The following ESPNL variants were observed in gnomAD, a reference collection of about 807,000 sequenced individuals.
The protein encoded by ESPNL is espin like, also known as espin-like protein.
In ESPNL, 49 loss-of-function variants were observed where a neutral mutation model predicts 46.8. The observed-to-expected ratio is 1.05, with a 90% confidence interval of 0.83 to 1.33. The LOEUF is 1.33. Ranked by LOEUF, ESPNL falls within the 40% of genes most tolerant of loss-of-function variation. The probability of loss-of-function intolerance (pLI) is 0.00; values close to 1 mark genes in which losing one functional copy is unlikely to be tolerated. For missense variants in ESPNL, 1,540 were observed against 1,436.6 expected, an observed-to-expected ratio of 1.07 and a Z score of -1.16; for synonymous variants, 664 against 662.1, an observed-to-expected ratio of 1.00 and a Z score of -0.04.
intron 5 of ESPNL, among the ~76,000 whole-genome samples, chr2:238,119,424 A>G (rs111751646): frequency 0.077 from 6,944 of 89,832 alleles, 880 homozygotes; most frequent in East Asian, 0.16. Context: ...GGAGGAGGGT[A>G]GATGGAGGAG....
At chr2:238,101,153 C>T (rs1691464269) in intron 1 of ESPNL, among the ~76,000 whole-genome samples, 1 of 152,214 alleles carries the variant, frequency 6.6e-6, no homozygotes, top group African/African-American at 2.4e-5. Flanking sequence ...ATCGTTTCTA[C>T]TGGGCCCCCC....
chr2:238,124,640 AGT>A (rs564509784), intron 5 of ESPNL, among the ~76,000 whole-genome samples: 1,547 of 146,732 alleles, frequency 0.011, 30 homozygotes, highest in African/African-American at 0.038. Flanking sequence ...TGTGCAGGAG[AGT>A]GTACGTGCAT....
At chr2:238,117,259 A>G (rs1164364092) in intron 5 of ESPNL, among the ~76,000 whole-genome samples, 1 of 152,170 alleles carries the variant, frequency 6.6e-6, no homozygotes, top group East Asian at 1.9e-4. Flanking sequence ...GGGCCAGGAC[A>G]GGGGCTGTGA....
At chr2:238,127,579 C>T in intron 6 of ESPNL, 43 bp from the exon 7 acceptor site, 2 of 1,545,182 alleles carry the variant, frequency 1.3e-6, no homozygotes, top group Non-Finnish European at 1.7e-6. Flanking sequence ...TCTCTGCTCC[C>T]CAGCCCTTGC....
In ESPNL at chr2:238,130,582, G is replaced by A. The variant is rs536817515; in HGVS notation, c.1868G>A (p.Arg623Gln). The A allele has an allele frequency of 5.1e-5, 80 of 1,573,148 alleles. No homozygotes were observed. Among genetic ancestry groups the A allele is most frequent in the South Asian group, 4.2e-4 (36 of 86,192 alleles). The change falls in exon 9 of 9, where the codon CGG becomes CAG. Residue 623 changes from arginine to glutamine, a missense_variant. Arg to Gln is a conservative substitution (Grantham distance 43, BLOSUM62 1). Transcript: ENST00000343063. ...CAGGGGGATGAGAAGCCATCCACCC[G>A]GCCCCTGCAGGACACCTGCAGGGAG... ...LVQGDEKPSTRPLQDTCREAS... is the reference protein window; with the variant it reads ...LVQGDEKPSTQPLQDTCREAS...
chr2:238,123,706 CCTGCACT>C (rs1441844616), intron 5 of ESPNL, among the ~76,000 whole-genome samples: 1 of 152,204 alleles, frequency 6.6e-6, no homozygotes, highest in African/African-American at 2.4e-5. Flanking sequence ...AGCTGTGCTC[CCTGCACT>C]CTGCAGTTCG....
intron 4 of ESPNL, among the ~76,000 whole-genome samples, chr2:238,113,801 G>A (rs753638108): frequency 6.6e-5 from 10 of 152,142 alleles, no homozygotes; most frequent in Admixed American, 4.6e-4. Flanking sequence ...GATGGAACCC[G>A]CACGGTTCCT....
At chr2:238,100,837 C>T (rs1242617103) in intron 1 of ESPNL, 124 bp downstream of exon 1, 1 of 803,158 alleles carries the variant, frequency 1.2e-6, no homozygotes, top group Admixed American at 4.0e-5. Flanking sequence ...CTTTGTTTCT[C>T]TTGGGGACTC....
At chr2:238,116,033 C>T (rs1691808328) in intron 4 of ESPNL, among the ~76,000 whole-genome samples, 1 of 152,238 alleles carries the variant, frequency 6.6e-6, no homozygotes, top group Non-Finnish European at 1.5e-5. Context: ...TGAGGCCCAG[C>T]TGGTCTATCT....
At chr2:238,127,316 A>C in intron 6 of ESPNL, 2 of 1,183,490 alleles carry the variant, frequency 1.7e-6, no homozygotes, top group Non-Finnish European at 2.1e-6. Flanking sequence ...TGGGGCCTGC[A>C]GAGCTGCGTT....
intron 5 of ESPNL, among the ~76,000 whole-genome samples, chr2:238,122,091 C>T (rs35329406): frequency 0.19 from 29,250 of 152,260 alleles, 3,090 homozygotes; most frequent in African/African-American, 0.27. Flanking sequence ...CGACAGCGGT[C>T]GGGGCCGTGG....
chr2:238,130,096 C>T (rs1168833723), intron 8 of ESPNL, 32 bp from the exon 9 acceptor site: 3 of 1,585,930 alleles, frequency 1.9e-6, no homozygotes, highest in Non-Finnish European at 1.7e-6. Context: ...TGGGTGGGCT[C>T]ACCCTGCTCA....
chr2:238,110,125 A>G (rs1455808842), intron 4 of ESPNL, among the ~76,000 whole-genome samples: 2 of 150,076 alleles, frequency 1.3e-5, no homozygotes, highest in Admixed American at 6.6e-5. Context: ...GCCATATGTT[A>G]CCGAGTGTCC....
chr2:238,124,629 G>C (rs1351815872), intron 5 of ESPNL, among the ~76,000 whole-genome samples: 3 of 151,652 alleles, frequency 2.0e-5, no homozygotes, highest in Non-Finnish European at 4.4e-5. Context: ...ACATGCGTGT[G>C]TGTGCAGGAG....
In ESPNL at chr2:238,114,052, G is replaced by A. The variant is rs1402434094; in HGVS notation, c.856-2851G>A. 6.6e-6 allele frequency among the ~76,000 whole-genome samples: 1 copy of A among 152,122 alleles called. No individual in the cohort carries two copies. The highest frequency in any genetic ancestry group is 1.5e-5 in the Non-Finnish European group (1 of 68,008). On this transcript the variant is annotated intron_variant, in intron 4 of 8. Transcript: ENST00000343063. The surrounding 1 kb of genome is among the most constrained non-coding windows in gnomAD (Gnocchi z 5.0). ...CCGTGTTTCACGTCCTTGGGCAGTG[G>A]GTTGGTCTGACCCACCTGGTTCTCT...
chr2:238,117,100 CCA>C lies in ESPNL; in HGVS notation c.987+68_987+69del. The C allele has an allele frequency of 2.6e-6, 4 of 1,530,992 alleles. No homozygotes were observed. In the Admixed American group the frequency reaches 6.0e-5, roughly 23 times the overall value. The allele number at this position is 1,530,992 out of a possible 1,614,324, so 94.8% of individuals were successfully genotyped here. A position where few individuals can be genotyped will look rare whatever the true frequency, so the allele number is the denominator to read the frequency against. ...GTGGGCCCAGACCCCAGCCAGGACC[CCA>C]CTGCTGAACCTGCAGCATAGTCAGC... On this transcript the variant is annotated intron_variant, in intron 5 of 8. Coordinates refer to ENST00000343063, the MANE Select transcript of ESPNL (RefSeq NM_194312.4).
Position 238,114,368 on chromosome 2 carries a change from G to A in ESPNL, c.856-2535G>A, listed in dbSNP as rs144116039. Among the ~76,000 whole-genome samples the A allele has an allele frequency of 7.9e-5, 12 of 151,966 alleles. No individual in the cohort carries two copies. Among genetic ancestry groups the A allele is most frequent in the East Asian group, 5.8e-4 (3 of 5,176 alleles). ...GCAGACCCCGTAACTCCCCTCCTCC[G>A]CATCCTGGCCTCCTCTTCCCAGCAA... On this transcript the variant is annotated intron_variant, in intron 4 of 8. Transcript: ENST00000343063. This position sits in a 1 kb window ranked among gnomAD's most constrained non-coding sequence, Gnocchi z 5.0.
In ESPNL at chr2:238,101,974, C is replaced by G. The variant is rs751322935; in HGVS notation, c.328C>G (p.Leu110Val). The G allele has an allele frequency of 1.9e-6, 3 of 1,610,190 alleles. No individual in the cohort carries two copies. Among genetic ancestry groups the G allele is most frequent in the South Asian group, 2.2e-5 (2 of 90,834 alleles). The change falls in exon 2 of 9, where the codon CTG becomes GTG. Residue 110 changes from leucine (L) to valine (V), a missense_variant. Leu to Val is a conservative substitution (Grantham distance 32, BLOSUM62 1). Transcript: ENST00000343063. ...TGCCTCGGGCGTCTCCCCGCTGCAC[C>G]TGGCCGCCCGTTTTGGACACCCAGT... ...QDASGVSPLH[L>V]AARFGHPVLV... is the part of the protein sequence containing the mutation.
chr2:238,118,864 GA>G (rs1360976550), intron 5 of ESPNL, among the ~76,000 whole-genome samples: 25 of 143,636 alleles, frequency 1.7e-4, no homozygotes, highest in East Asian at 2.2e-4. Flanking sequence ...GATGGAAGAG[GA>G]CGGATGGAGG....
Sources: gnomAD v4.1 joint callset for allele counts (sites outside exome capture counted in the v4.1 genomes callset) on GRCh38, gnomAD v4.1.1 for gene constraint, Gnocchi (gnomAD v3.1) non-coding constraint, MANE v1.5 for transcripts, NCBI Gene and HGNC (gene_info 2026-07-23, HGNC 2026-07-21) for gene names.